Variants in HPRT1 observed in about 807,000 individuals in gnomAD.
HPRT1 encodes hypoxanthine phosphoribosyltransferase 1, also known as hypoxanthine-guanine phosphoribosyltransferase.
A neutral mutation model predicts 19.0 loss-of-function variants in HPRT1; 4 were observed. The observed-to-expected ratio is 0.21, with a 90% confidence interval of 0.10 to 0.48. HPRT1 has a LOEUF of 0.48. HPRT1 is among the 20% of genes least tolerant of loss of function. The probability of loss-of-function intolerance (pLI) is 0.98; values close to 1 mark genes in which losing one functional copy is unlikely to be tolerated. For synonymous variants in HPRT1, 53 were observed against 54.9 expected (o/e 0.97, Z 0.15); for missense variants, 65 against 164.0 (o/e 0.40, Z 3.30).
chrX:134,492,489 T>A (rs369654939), intron 5 of HPRT1: 13 of 328,468 alleles, frequency 4.0e-5, no homozygotes, highest in African/African-American at 3.5e-4. Context: ...GGACTCATGA[T>A]CCTCTTCAAA....
chrX:134,483,247 G>C (rs1419048965), intron 3 of HPRT1, among the ~76,000 whole-genome samples: 1 of 110,703 alleles, frequency 9.0e-6, no homozygotes, highest in Non-Finnish European at 1.9e-5. Flanking sequence ...TTCTTTTCCT[G>C]CCCATTTATT....
At chrX:134,463,946 A>G (rs2077590529) in intron 1 of HPRT1, among the ~76,000 whole-genome samples, 1 of 112,216 alleles carries the variant, frequency 8.9e-6, no homozygotes, top group South Asian at 3.6e-4. Flanking sequence ...GTTCGATCAC[A>G]TACTTCAAAT....
intron 3 of HPRT1, among the ~76,000 whole-genome samples, chrX:134,484,537 A>G (rs1305966456): frequency 1.8e-5 from 2 of 112,480 alleles, no homozygotes; most frequent in Non-Finnish European, 3.7e-5. Context: ...ATATAGAAGC[A>G]TAACAAAAAT....
intron 1 of HPRT1, among the ~76,000 whole-genome samples, chrX:134,469,351 A>T (rs1424912052): frequency 9.0e-6 from 1 of 111,419 alleles, no homozygotes; most frequent in African/African-American, 3.3e-5. Context: ...GTAAACCATA[A>T]ATCAAAAAAA....
chrX:134,490,501 G>GTA (rs67231548), intron 5 of HPRT1, among the ~76,000 whole-genome samples: 11 of 100,624 alleles, frequency 1.1e-4, no homozygotes, highest in Admixed American at 2.2e-4. Context: ...TATATTTTAT[G>GTA]TATATATATA....
intron 3 of HPRT1, among the ~76,000 whole-genome samples, chrX:134,477,186 G>A (rs1285983816): frequency 9.4e-6 from 1 of 105,961 alleles, no homozygotes; most frequent in African/African-American, 3.4e-5. Context: ...TCAGCCTCCC[G>A]AGTAGCTGGG....
intron 1 of HPRT1, among the ~76,000 whole-genome samples, chrX:134,463,317 G>A (rs1486497245): frequency 8.9e-6 from 1 of 111,779 alleles, no homozygotes; most frequent in Non-Finnish European, 1.9e-5. Context: ...TGCTTTATGT[G>A]GATATAATAT....
At chrX:134,465,108 A>G (rs2077593666) in intron 1 of HPRT1, among the ~76,000 whole-genome samples, 1 of 107,221 alleles carries the variant, frequency 9.3e-6, no homozygotes, top group Non-Finnish European at 1.9e-5. Context: ...TTTAGTAGAG[A>G]CGGGGTTTCA....
intron 3 of HPRT1, among the ~76,000 whole-genome samples, chrX:134,479,809 A>G (rs966349916): frequency 3.6e-5 from 4 of 110,666 alleles, no homozygotes; most frequent in African/African-American, 1.3e-4. Flanking sequence ...GGGTTTTGCC[A>G]TGTTGCCCAG....
At chrX:134,473,510 A>C (rs756925981) in intron 2 of HPRT1, 45 bp downstream of exon 2, 2 of 770,306 alleles carry the variant, frequency 2.6e-6, no homozygotes, top group Non-Finnish European at 4.1e-6. Flanking sequence ...TTCTTGTGTT[A>C]ATTTCAAACA....
At chrX:134,476,158 T>A (rs1271185645) in intron 3 of HPRT1, among the ~76,000 whole-genome samples, 6 of 112,022 alleles carry the variant, frequency 5.4e-5, no homozygotes, top group Non-Finnish European at 9.4e-5. Context: ...GAAACTCGCC[T>A]TATGTTCACA....
intron 2 of HPRT1, among the ~76,000 whole-genome samples, chrX:134,474,822 A>T (rs1442688299): frequency 9.0e-6 from 1 of 111,658 alleles, no homozygotes; most frequent in Non-Finnish European, 1.9e-5. Context: ...AAGGTATCAA[A>T]TTTTTTACCT....
chrX:134,495,227 C>A (rs2077677459), intron 6 of HPRT1, among the ~76,000 whole-genome samples: 1 of 108,004 alleles, frequency 9.3e-6, no homozygotes, highest in African/African-American at 3.4e-5. Context: ...GAATGCATGG[C>A]CTAGATGACT....
intron 5 of HPRT1, among the ~76,000 whole-genome samples, chrX:134,491,998 TAC>T (rs1569358571): frequency 2.0e-5 from 2 of 98,715 alleles, no homozygotes; most frequent in Admixed American, 1.2e-4. Flanking sequence ...TATATATATA[TAC>T]ACACATATAT....
At chrX:134,480,865 T>C (rs1268734983) in intron 3 of HPRT1, among the ~76,000 whole-genome samples, 1 of 104,582 alleles carries the variant, frequency 9.6e-6, no homozygotes, top group Admixed American at 1.0e-4. Context: ...GCTATAACTT[T>C]AGTGTTGATC....
intron 1 of HPRT1, chrX:134,460,669 A>T: frequency 8.2e-6 from 1 of 122,103 alleles, no homozygotes; most frequent in Non-Finnish European, 1.6e-5. Flanking sequence ...TTCGGGAATG[A>T]TGGCGCGGGG....
At chrX:134,465,363 T>C (rs1451817323) in intron 1 of HPRT1, among the ~76,000 whole-genome samples, 2 of 111,778 alleles carry the variant, frequency 1.8e-5, no homozygotes, top group Non-Finnish European at 3.8e-5. Flanking sequence ...AGATTTTATG[T>C]GTAAACCACA....
intron 1 of HPRT1, among the ~76,000 whole-genome samples, chrX:134,461,895 A>G (rs2077585101): frequency 8.9e-6 from 1 of 112,285 alleles, no homozygotes; most frequent in Non-Finnish European, 1.9e-5. Flanking sequence ...AAAAAATGGT[A>G]GTGGCTGTTG....
At chrX:134,496,654 A>G (rs1463851680) in intron 6 of HPRT1, among the ~76,000 whole-genome samples, 1 of 112,255 alleles carries the variant, frequency 8.9e-6, no homozygotes, top group Non-Finnish European at 1.9e-5. Context: ...TGGAAGAGTC[A>G]TGAGGGACAT....
Sources: allele counts gnomAD v4.1 joint callset (sites outside exome capture counted in the v4.1 genomes callset), GRCh38; gene constraint gnomAD v4.1.1; transcripts MANE v1.5; gene names NCBI Gene and HGNC (gene_info 2026-07-23, HGNC 2026-07-21).